Variants in KAZN observed in about 807,000 individuals in gnomAD.
The protein encoded by KAZN is kazrin, periplakin interacting protein.
In KAZN, 40 loss-of-function variants were observed where a neutral mutation model predicts 87.4. That is an observed-to-expected ratio of 0.46 (90% CI 0.36 to 0.60). The LOEUF (loss-of-function observed/expected upper bound fraction) is 0.60. Among genes scored for constraint, KAZN ranks in the 20% least tolerant of loss-of-function variants. The pLI is 0.00. For missense variants in KAZN, 898 were observed against 1,073.9 expected, an observed-to-expected ratio of 0.84 and a Z score of 2.29; for synonymous variants, 466 against 458.3, an observed-to-expected ratio of 1.02 and a Z score of -0.22.
At chr1:14,525,476 G>A (rs943405890) in intron 2 of KAZN, among the ~76,000 whole-genome samples, 6 of 152,144 alleles carry the variant, frequency 3.9e-5, no homozygotes, top group Non-Finnish European at 8.8e-5. Context: ...CTTGTGTTCC[G>A]ATAAAACTTT....
intron 2 of KAZN, among the ~76,000 whole-genome samples, chr1:14,480,119 T>A (rs1668986001): frequency 6.6e-6 from 1 of 152,216 alleles, no homozygotes; most frequent in Admixed American, 6.5e-5. Context: ...AGAATCAAGA[T>A]AAGACTACCA....
intron 2 of KAZN, among the ~76,000 whole-genome samples, chr1:14,259,861 G>A (rs1044775965): frequency 2.0e-5 from 3 of 152,144 alleles, no homozygotes; most frequent in African/African-American, 7.2e-5. Context: ...TTTTGACTGG[G>A]TCCAGGAAAT....
intron 1 of KAZN, among the ~76,000 whole-genome samples, chr1:14,780,858 G>C (rs1645313267): frequency 1.3e-5 from 2 of 152,158 alleles, no homozygotes. Context: ...ACTGATAAAA[G>C]TTCAAAATAT....
At chr1:14,439,973 T>A (rs1415530820) in intron 2 of KAZN, among the ~76,000 whole-genome samples, 1 of 152,048 alleles carries the variant, frequency 6.6e-6, no homozygotes, top group African/African-American at 2.4e-5. Context: ...CCCACCCCCA[T>A]CTACTCCCAA....
intron 1 of KAZN, among the ~76,000 whole-genome samples, chr1:14,608,808 G>T (rs517267): frequency 0.82 from 125,222 of 152,260 alleles, 51,839 homozygotes; most frequent in African/African-American, 0.91. Flanking sequence ...TCTGGTCAGC[G>T]GCAACAAATG....
chr1:13,938,316 C>G (rs1640815642), intron 1 of KAZN, among the ~76,000 whole-genome samples: 1 of 152,052 alleles, frequency 6.6e-6, no homozygotes, highest in South Asian at 2.1e-4. Context: ...TGATTTGGTT[C>G]TCTGCTTGAT....
chr1:14,791,423 C>G (rs1645671003), intron 1 of KAZN, among the ~76,000 whole-genome samples: 1 of 152,228 alleles, frequency 6.6e-6, no homozygotes, highest in South Asian at 2.1e-4. Flanking sequence ...CGCCCACTGG[C>G]TTGCTTGTGC....
At chr1:14,201,274 A>G (rs1165759135) in intron 2 of KAZN, among the ~76,000 whole-genome samples, 1 of 151,794 alleles carries the variant, frequency 6.6e-6, no homozygotes, top group Admixed American at 6.6e-5. Context: ...CCTCTTTCCA[A>G]CTCCAACTCA....
At chr1:14,379,345 G>T (rs552105298) in intron 2 of KAZN, among the ~76,000 whole-genome samples, 1 of 151,954 alleles carries the variant, frequency 6.6e-6, no homozygotes, top group African/African-American at 2.4e-5. Context: ...GACTCCTTCC[G>T]ATTGAGAAAA....
chr1:14,661,621 C>G (rs1639169355), intron 1 of KAZN, among the ~76,000 whole-genome samples: 1 of 143,604 alleles, frequency 7.0e-6, no homozygotes, highest in Admixed American at 7.5e-5. Flanking sequence ...TGGCCAGGCT[C>G]TAGCTCACAC....
intron 1 of KAZN, among the ~76,000 whole-genome samples, chr1:14,171,420 G>A (rs1645951740): frequency 1.3e-5 from 2 of 152,118 alleles, no homozygotes; most frequent in Admixed American, 6.5e-5. Flanking sequence ...ACCTATGAGG[G>A]TTCCCATTTC....
intron 8 of KAZN, among the ~76,000 whole-genome samples, chr1:15,070,967 G>A (rs540101272): frequency 4.6e-5 from 7 of 152,280 alleles, no homozygotes; most frequent in Admixed American, 6.5e-5. Flanking sequence ...AATATGCCCC[G>A]GTCCCTGGCC....
At chr1:14,758,077 C>CTTTGTTTGTTTG (rs201431027) in intron 1 of KAZN, among the ~76,000 whole-genome samples, 1 of 151,598 alleles carries the variant, frequency 6.6e-6, no homozygotes, top group Non-Finnish European at 1.5e-5. Context: ...TGCCTCTTGA[C>CTTTGTTTGTTTG]TTTGTTTGTT....
chr1:14,401,422 T>G (rs1462350683), intron 2 of KAZN, among the ~76,000 whole-genome samples: 4 of 151,548 alleles, frequency 2.6e-5, no homozygotes, highest in African/African-American at 9.7e-5. Flanking sequence ...AGGGAAAAAT[T>G]CTAAATAAGA....
chr1:14,006,118 G>T (rs759676644), intron 1 of KAZN, among the ~76,000 whole-genome samples: 1 of 151,962 alleles, frequency 6.6e-6, no homozygotes, highest in Non-Finnish European at 1.5e-5. Context: ...TTTTTATTTT[G>T]TCTATTACTT....
At chr1:14,681,647 A>G (rs1230024574) in intron 1 of KAZN, among the ~76,000 whole-genome samples, 1 of 10,616 alleles carries the variant, frequency 9.4e-5, no homozygotes, top group Non-Finnish European at 1.9e-4. Flanking sequence ...ATATATATAT[A>G]TATATATATA....
At chr1:14,308,045 A>G (rs1655045512) in intron 2 of KAZN, among the ~76,000 whole-genome samples, 1 of 152,230 alleles carries the variant, frequency 6.6e-6, no homozygotes, top group Non-Finnish European at 1.5e-5. Flanking sequence ...AACATGTCAC[A>G]GAAAACTGGC....
At chr1:14,654,953 C>A (rs564102728) in intron 1 of KAZN, among the ~76,000 whole-genome samples, 1 of 152,318 alleles carries the variant, frequency 6.6e-6, no homozygotes, top group African/African-American at 2.4e-5. Context: ...TTTTGTTGAA[C>A]AAGAGTAGCT....
intron 2 of KAZN, among the ~76,000 whole-genome samples, chr1:14,476,030 T>C (rs1410110560): frequency 6.6e-6 from 1 of 152,212 alleles, no homozygotes; most frequent in Non-Finnish European, 1.5e-5. Context: ...TCGCCTTTGG[T>C]CCCTCAGCAG....
Sources: gnomAD v4.1 joint callset for allele counts (sites outside exome capture counted in the v4.1 genomes callset) on GRCh38, gnomAD v4.1.1 for gene constraint, MANE v1.5 for transcripts, NCBI Gene and HGNC (gene_info 2026-07-23, HGNC 2026-07-21) for gene names.